The following ANKRD55 variants were observed in gnomAD, a reference collection of about 807,000 sequenced individuals.
ANKRD55 encodes the protein ankyrin repeat domain-containing protein 55.
ANKRD55 carries 41 observed loss-of-function variants against 60.6 expected under a neutral mutation model. That is an observed-to-expected ratio of 0.68 (90% CI 0.53 to 0.88). The LOEUF (loss-of-function observed/expected upper bound fraction) is 0.88, where lower values mean the gene tolerates loss of function less well. Among genes scored for constraint, ANKRD55 ranks in the 40% least tolerant of loss-of-function variants. The pLI is 0.00. For missense variants in ANKRD55, 732 were observed against 767.6 expected (o/e 0.95, Z 0.55); for synonymous variants, 264 against 290.3 (o/e 0.91, Z 0.92).
At chr5:56,117,697 C>T (rs1486875552) in intron 8 of ANKRD55, among the ~76,000 whole-genome samples, 3 of 152,190 alleles carry the variant, frequency 2.0e-5, no homozygotes, top group Non-Finnish European at 2.9e-5. Context: ...CATGATCCAC[C>T]CGCCTTGGCC....
intron 2 of ANKRD55, among the ~76,000 whole-genome samples, chr5:56,218,445 C>T (rs1438524716): frequency 2.6e-5 from 4 of 152,300 alleles, no homozygotes; most frequent in Admixed American, 6.5e-5. Flanking sequence ...CCAGATCAGT[C>T]GGCAGCCATC....
chr5:56,215,228 T>C (rs1383430327), intron 2 of ANKRD55, among the ~76,000 whole-genome samples: 1 of 152,202 alleles, frequency 6.6e-6, no homozygotes, highest in Non-Finnish European at 1.5e-5. Context: ...TTCAGAAGCT[T>C]CCGTGATAAA....
chr5:56,199,312 A>G (rs1038015663), intron 2 of ANKRD55, among the ~76,000 whole-genome samples: 38 of 152,156 alleles, frequency 2.5e-4, no homozygotes, highest in Non-Finnish European at 8.8e-5. Flanking sequence ...CGGCAAATTA[A>G]TAACCTACAT....
At chr5:56,140,957 G>A (rs532249819) in intron 7 of ANKRD55, among the ~76,000 whole-genome samples, 4 of 152,078 alleles carry the variant, frequency 2.6e-5, no homozygotes, top group African/African-American at 9.6e-5. Flanking sequence ...CAGCTACTTA[G>A]GAGCCTGAGG....
chr5:56,112,504 C>CAAAAAAAAAAAAAAAAA lies in ANKRD55; in HGVS notation c.966-739_966-723dup, dbSNP rs1187255213. Among the ~76,000 whole-genome samples, 10 of 25,654 alleles carry CAAAAAAAAAAAAAAAAA rather than the reference C, an allele frequency of 3.9e-4. 1 individual carries two copies. The highest frequency in any genetic ancestry group is 6.3e-4 in the East Asian group (1 of 1,592). 16.8% of individuals were successfully genotyped at this position (25,654 alleles called of 152,430 possible). A position where few individuals can be genotyped will look rare whatever the true frequency, so the allele number is the denominator to read the frequency against. On this transcript the variant is annotated intron_variant, in intron 9 of 11. Transcript: ENST00000341048. ...CAACATGGCAGGATCTCATCTCTAG[C>CAAAAAAAAAAAAAAAAA]AAAAAAAAAAAAAAAAAACAACCAA... is the stretch of plus-strand genomic sequence containing the variant.
rs766285683 is a variant in ANKRD55 at position 56,183,634 on chromosome 5, C to T, written c.59G>A (p.Gly20Asp). The T allele has an allele frequency of 6.2e-7, 1 of 1,614,040 alleles. No homozygotes were observed. Among genetic ancestry groups the T allele is most frequent in the Admixed American group, 1.7e-5 (1 of 60,004 alleles). The part of the protein sequence containing the change: ...STPSVFDQQR[G>D]DSSEEVDLTM... ...CAGGTCAACTTCCTCAGATGAGTCA[C>T]CTTCATGCATAAAACAGACACAATG... The change falls in exon 3 of 12, where the codon GGT becomes GAT. Residue 20 changes from glycine (G) to aspartate (D), a missense_variant and splice_region_variant. By Grantham distance (94) the Gly-to-Asp change is moderately conservative. Coordinates refer to ENST00000341048, the MANE Select transcript of ANKRD55 (RefSeq NM_024669.3).
chr5:56,203,616 G>A (rs1311113804), intron 2 of ANKRD55, among the ~76,000 whole-genome samples: 3 of 152,120 alleles, frequency 2.0e-5, no homozygotes, highest in Non-Finnish European at 4.4e-5. Context: ...ATAGTTTGCT[G>A]AGAATGATGG....
Position 56,111,128 on chromosome 5 carries a change from ATTATGTAGATGGCGAAGG to A in ANKRD55, c.1602_1619del (p.Leu535_Asn540del), listed in dbSNP as rs1756679091. ...AATCAAGGACATTACCTGATGATGG[ATTATGTAGATGGCGAAGG>A]TGTGGTGGCACGGAGACCTCTTGGT... On this transcript the variant is annotated inframe_deletion, in exon 10 of 12. Coordinates refer to ENST00000341048, the MANE Select transcript of ANKRD55 (RefSeq NM_024669.3). The A allele has an allele frequency of 6.2e-7, 1 of 1,613,198 alleles. No individual in the cohort carries two copies. Among genetic ancestry groups the A allele is most frequent in the Admixed American group, 1.7e-5 (1 of 59,956 alleles).
chr5:56,164,306 C>A (rs535593243), intron 5 of ANKRD55, among the ~76,000 whole-genome samples: 16 of 152,040 alleles, frequency 1.1e-4, no homozygotes, highest in Non-Finnish European at 1.8e-4. Context: ...AGCTGGCCAG[C>A]GCAGTGACAG....
At chr5:56,122,006 G>T (rs998570332) in intron 8 of ANKRD55, among the ~76,000 whole-genome samples, 1 of 152,194 alleles carries the variant, frequency 6.6e-6, no homozygotes, top group African/African-American at 2.4e-5. Context: ...GGGTTTTTAA[G>T]TGTGCCTAAT....
At chr5:56,122,116 G>A (rs1183111346) in intron 8 of ANKRD55, among the ~76,000 whole-genome samples, 6 of 152,200 alleles carry the variant, frequency 3.9e-5, no homozygotes, top group Non-Finnish European at 7.3e-5. Context: ...TTGCATCTCT[G>A]AAGATTATGT....
chr5:56,206,875 C>A (rs1172225023), intron 2 of ANKRD55, among the ~76,000 whole-genome samples: 1 of 152,200 alleles, frequency 6.6e-6, no homozygotes, highest in Admixed American at 6.5e-5. Context: ...GGGTACAGCT[C>A]TCAGGGATTA....
At position 56,104,973 on chromosome 5, in the gene ANKRD55, T is replaced by A. The variant is rs75835336; in HGVS notation, c.1631-2387A>T. Among the ~76,000 whole-genome samples the A allele has an allele frequency of 5.7e-3, 863 of 152,258 alleles. 23 individuals carry two copies. Among genetic ancestry groups the A allele is most frequent in the East Asian group, 0.047 (243 of 5,172 alleles). On this transcript the variant is annotated intron_variant, in intron 10 of 11. Coordinates refer to ENST00000341048, the MANE Select transcript of ANKRD55 (RefSeq NM_024669.3). ...AGCTAGCTCTGTGACCTTAGGCAGA[T>A]GAGCTAACCTCTCTGTCTCAATTTC...
chr5:56,105,876 C>T (rs1756448090), intron 10 of ANKRD55, among the ~76,000 whole-genome samples: 1 of 152,182 alleles, frequency 6.6e-6, no homozygotes, highest in Non-Finnish European at 1.5e-5. Flanking sequence ...AAAGGAAATG[C>T]ACACTTTTTT....
intron 9 of ANKRD55, among the ~76,000 whole-genome samples, chr5:56,114,641 G>A (rs950866640): frequency 1.3e-5 from 2 of 152,246 alleles, no homozygotes; most frequent in Admixed American, 6.5e-5. Flanking sequence ...ATAAAATCAC[G>A]CATGTGTATA....
intron 7 of ANKRD55, among the ~76,000 whole-genome samples, chr5:56,131,036 G>T (rs1016218907): frequency 6.6e-6 from 1 of 151,878 alleles, no homozygotes; most frequent in Non-Finnish European, 1.5e-5. Context: ...AATACCAGAA[G>T]GAGAAGAGAA....
At chr5:56,137,179 G>A (rs1279010361) in intron 7 of ANKRD55, 3 of 1,593,150 alleles carry the variant, frequency 1.9e-6, no homozygotes, top group East Asian at 2.2e-5. Flanking sequence ...GGTGGAGTTG[G>A]CAAGTGTGCC....
chr5:56,171,698 A>G (rs1460947743), intron 4 of ANKRD55, among the ~76,000 whole-genome samples: 2 of 152,162 alleles, frequency 1.3e-5, no homozygotes, highest in Admixed American at 1.3e-4. Context: ...TAATAGGATA[A>G]CCCTCTATTT....
intron 2 of ANKRD55, among the ~76,000 whole-genome samples, chr5:56,225,374 A>G (rs1367417617): frequency 6.6e-6 from 1 of 152,238 alleles, no homozygotes; most frequent in African/African-American, 2.4e-5. Flanking sequence ...CACAGCCAAT[A>G]TCATACTGAA....
Sources: allele counts gnomAD v4.1 joint callset (sites outside exome capture counted in the v4.1 genomes callset), GRCh38; gene constraint gnomAD v4.1.1; transcripts MANE v1.5; gene names NCBI Gene and HGNC (gene_info 2026-07-23, HGNC 2026-07-21).